The following RASAL2 variants were observed in gnomAD, a reference collection of about 807,000 sequenced individuals.
The protein encoded by RASAL2 is RAS protein activator like 2.
RASAL2 carries 58 observed loss-of-function variants against 128.9 expected under a neutral mutation model. The observed-to-expected ratio is 0.45, with a 90% CI of 0.36 to 0.56. The LOEUF (loss-of-function observed/expected upper bound fraction) is 0.56. Ranked by LOEUF, RASAL2 falls within the 20% of genes least tolerant of loss-of-function variation. The pLI is 0.00. For missense variants in RASAL2, 1,360 were observed against 1,601.6 expected (o/e 0.85, Z 2.57); for synonymous variants, 561 against 580.8 (o/e 0.97, Z 0.49).
chr1:178,256,819 A>G (rs1056926341), intron 1 of RASAL2, among the ~76,000 whole-genome samples: 2 of 152,058 alleles, frequency 1.3e-5, no homozygotes, highest in Admixed American at 1.3e-4. Flanking sequence ...GACTACAAGC[A>G]TACGCCACCA....
intron 3 of RASAL2, among the ~76,000 whole-genome samples, chr1:178,334,639 G>T (rs536927019): frequency 6.6e-6 from 1 of 151,848 alleles, no homozygotes. Context: ...CACTGCACCC[G>T]GCCACAACTT....
Position 178,464,354 on chromosome 1 carries a change from A to G in RASAL2, c.3329A>G (p.Tyr1110Cys), listed in dbSNP as rs1251782314. The G allele has an allele frequency of 6.2e-7, 1 of 1,613,894 alleles. No individual in the cohort carries two copies. The highest frequency in any genetic ancestry group is 8.5e-7 in the Non-Finnish European group (1 of 1,179,842). The change falls in exon 15 of 18, where the codon TAT becomes TGT. Residue 1110 changes from tyrosine (Y) to cysteine (C), a missense_variant. Around this residue, in one of 3 missense-constraint regions of RASAL2, gnomAD observed 741 missense variants for 868.6 expected, o/e 0.85. Coordinates refer to ENST00000367649, the MANE Select transcript of RASAL2 (RefSeq NM_170692.4). The part of the protein sequence containing the change: ...TAAWVLNNGQ[Y>C]EEDVEETEQN... Reference sequence around the variant, plus strand: ...GCCTGGGTTCTGAACAATGGGCAGTATGAAGAGGATGTGGAAGAAACTGAG... The same window carrying G: ...GCCTGGGTTCTGAACAATGGGCAGTGTGAAGAGGATGTGGAAGAAACTGAG...
At chr1:178,256,735 A>ATGATC (rs953890212) in intron 1 of RASAL2, among the ~76,000 whole-genome samples, 1 of 152,122 alleles carries the variant, frequency 6.6e-6, no homozygotes, top group African/African-American at 2.4e-5. Flanking sequence ...GTGCTGTGGC[A>ATGATC]TGATCTCGGC....
At chr1:178,133,731 C>T (rs887834709) in intron 1 of RASAL2, among the ~76,000 whole-genome samples, 2 of 152,148 alleles carry the variant, frequency 1.3e-5, no homozygotes, top group African/African-American at 4.8e-5. Context: ...AGGGAATCCC[C>T]CTGAGGTTTA....
intron 1 of RASAL2, among the ~76,000 whole-genome samples, chr1:178,241,218 T>TGA (rs1249406316): frequency 3.9e-5 from 6 of 152,102 alleles, no homozygotes; most frequent in Non-Finnish European, 5.9e-5. Flanking sequence ...TTCATATACT[T>TGA]GAGATAAGTA....
Position 178,413,261 on chromosome 1 carries a change from G to A in RASAL2, c.565-7250G>A, listed in dbSNP as rs190462991. Reference sequence around the variant, plus strand: ...AGGCATGAGCCACCACACCTGGCCCGTTCTGTTTTTCTTAACAAGGTCTGC... The same window carrying A: ...AGGCATGAGCCACCACACCTGGCCCATTCTGTTTTTCTTAACAAGGTCTGC... On this transcript the variant is annotated intron_variant, in intron 4 of 17. Coordinates refer to ENST00000367649, the MANE Select transcript of RASAL2 (RefSeq NM_170692.4). Among the ~76,000 whole-genome samples the A allele has an allele frequency of 7.2e-3, 1,103 of 152,210 alleles. 16 individuals carry two copies. Among genetic ancestry groups the A allele is most frequent in the African/African-American group, 0.025 (1,041 of 41,538 alleles).
intron 1 of RASAL2, among the ~76,000 whole-genome samples, chr1:178,179,141 T>C (rs1381375039): frequency 6.6e-6 from 1 of 152,122 alleles, no homozygotes; most frequent in East Asian, 1.9e-4. Flanking sequence ...TAAAAACTAG[T>C]TCTTTGGGGT....
Position 178,370,803 on chromosome 1 carries a change from C to T in RASAL2, c.458-19297C>T, listed in dbSNP as rs535538935. ...AAGGTCCATGTCCTCAGGGAACTTA[C>T]AGTCATAATGAAATAGAGTCTAGAT... is the stretch of plus-strand genomic sequence containing the variant. On this transcript the variant is annotated intron_variant, in intron 3 of 17. Transcript: ENST00000367649. Among the ~76,000 whole-genome samples, 59 of 152,158 alleles carry T rather than the reference C, an allele frequency of 3.9e-4. 1 individual carries two copies. The highest frequency in any genetic ancestry group is 6.8e-3 in the Middle Eastern group (2 of 294).
At position 178,094,239 on chromosome 1, in the gene RASAL2, C is replaced by T. The variant is rs577955429; in HGVS notation, c.-254C>T. 13 of 514,944 alleles carry T rather than the reference C, an allele frequency of 2.5e-5. No individual in the cohort carries two copies. The highest frequency in any genetic ancestry group is 4.4e-5 in the Non-Finnish European group (13 of 295,308). The allele number at this position is 514,944 out of a possible 1,614,324, so 31.9% of individuals were successfully genotyped here. ...GACCCACACACACCTGAGCCCGGAC[C>T]CACCCTTGGTCGGGGCCACGCTGGA... On this transcript the variant is annotated 5_prime_UTR_variant, in exon 1 of 18. Coordinates refer to ENST00000367649, the MANE Select transcript of RASAL2 (RefSeq NM_170692.4).
intron 15 of RASAL2, among the ~76,000 whole-genome samples, chr1:178,464,924 ATTTTGTTT>A (rs928533211): frequency 7.3e-6 from 1 of 137,862 alleles, no homozygotes; most frequent in African/African-American, 2.8e-5. Context: ...TATTGTTTAG[ATTTTGTTT>A]TTTTGTTTTT....
rs191950950 is a variant in RASAL2, at chr1:178,437,237, G to A, written c.675-2185G>A. ...GATGAAGTCTTGATCTGTTGTTTGTGTTTCTGTTCTGCTTCTATGGAAGAC... is the reference window on the plus strand; with the variant it reads ...GATGAAGTCTTGATCTGTTGTTTGTATTTCTGTTCTGCTTCTATGGAAGAC... On this transcript the variant is annotated intron_variant, in intron 5 of 17. Coordinates refer to ENST00000367649, the MANE Select transcript of RASAL2 (RefSeq NM_170692.4). Among the ~76,000 whole-genome samples the A allele has an allele frequency of 3.6e-3, 546 of 152,136 alleles. 13 individuals are homozygous for A. The highest frequency in any genetic ancestry group is 9.7e-4 in the East Asian group (5 of 5,164).
At chr1:178,271,691 C>T (rs905641984) in intron 1 of RASAL2, among the ~76,000 whole-genome samples, 1 of 152,200 alleles carries the variant, frequency 6.6e-6, no homozygotes, top group Non-Finnish European at 1.5e-5. Context: ...CCTCTGTTCA[C>T]CTTTTGACAA....
chr1:178,476,578 G>A lies in RASAL2; in HGVS notation c.*3339G>A, dbSNP rs916430219. The A allele has an allele frequency of 6.6e-6, 1 of 152,146 alleles. No individual in the cohort carries two copies. The highest frequency in any genetic ancestry group is 1.5e-5 in the Non-Finnish European group (1 of 68,028). The allele number at this position is 152,146 out of a possible 1,614,324, so 9.4% of individuals were successfully genotyped here. The stretch of plus-strand genomic sequence containing the variant: ...TTTGCTTTTTTTCATATAGTATCAA[G>A]TTGGTCAGAATTAGCTTTCTCTGAC... On this transcript the variant is annotated 3_prime_UTR_variant, in exon 18 of 18. Transcript: ENST00000367649.
chr1:178,368,915 G>A (rs1336357136), intron 3 of RASAL2, among the ~76,000 whole-genome samples: 1 of 152,024 alleles, frequency 6.6e-6, no homozygotes, highest in African/African-American at 2.4e-5. Flanking sequence ...GAACCACCAT[G>A]CCTAACCTTC....
chr1:178,282,216 G>A (rs561471034), intron 1 of RASAL2, among the ~76,000 whole-genome samples: 6 of 152,222 alleles, frequency 3.9e-5, no homozygotes, highest in Admixed American at 3.3e-4. Context: ...GTTGGTTCTT[G>A]GACCTTGAAT....
At chr1:178,191,994 C>T (rs1277741284) in intron 1 of RASAL2, among the ~76,000 whole-genome samples, 1 of 152,120 alleles carries the variant, frequency 6.6e-6, no homozygotes, top group Non-Finnish European at 1.5e-5. Context: ...TTGATAGACA[C>T]CTGAACACAT....
intron 1 of RASAL2, among the ~76,000 whole-genome samples, chr1:178,127,121 A>G (rs1397538450): frequency 6.6e-6 from 1 of 152,202 alleles, no homozygotes; most frequent in Non-Finnish European, 1.5e-5. Flanking sequence ...AATGATTAAT[A>G]TTTCCAGAAT....
At chr1:178,229,229 T>C (rs1249962579) in intron 1 of RASAL2, among the ~76,000 whole-genome samples, 5 of 152,190 alleles carry the variant, frequency 3.3e-5, no homozygotes, top group African/African-American at 1.2e-4. Context: ...ATAGTAAAAT[T>C]ATTAAAATGA....
chr1:178,282,932 G>A (rs919946180), intron 1 of RASAL2, among the ~76,000 whole-genome samples: 5 of 152,192 alleles, frequency 3.3e-5, no homozygotes, highest in African/African-American at 7.2e-5. Flanking sequence ...AAATGAGACA[G>A]TTGGGAATTG....
Sources: gnomAD v4.1 joint callset for allele counts (sites outside exome capture counted in the v4.1 genomes callset) on GRCh38, gnomAD v4.1.1 for gene constraint, gnomAD v4.1.1 regional missense constraint, MANE v1.5 for transcripts, NCBI Gene and HGNC (gene_info 2026-07-23, HGNC 2026-07-21) for gene names.